The following CEP97 variants were observed in gnomAD, a reference collection of about 807,000 sequenced individuals.
CEP97 encodes the protein centrosomal protein of 97 kDa.
Under a neutral mutation model 73.1 loss-of-function variants are expected in CEP97, and 43 were observed. The observed-to-expected ratio is 0.59, with a 90% CI of 0.46 to 0.76. The LOEUF (loss-of-function observed/expected upper bound fraction) is 0.76, where lower values mean the gene tolerates loss of function less well. Among genes scored for constraint, CEP97 ranks in the 30% least tolerant of loss-of-function variants. The pLI is 0.00. For synonymous variants in CEP97, 337 were observed against 370.0 expected, an observed-to-expected ratio of 0.91 and a Z score of 1.02; for missense variants, 939 against 1,014.0, an observed-to-expected ratio of 0.93 and a Z score of 1.00.
intron 6 of CEP97, among the ~76,000 whole-genome samples, chr3:101,752,911 G>C (rs1279840648): frequency 6.6e-6 from 1 of 152,128 alleles, no homozygotes; most frequent in Admixed American, 6.6e-5. Context: ...GTCATTCTCC[G>C]TCCAGCTTTG....
intron 6 of CEP97, 33 bp from the exon 7 acceptor site, chr3:101,755,397 C>T: frequency 6.2e-7 from 1 of 1,600,056 alleles, no homozygotes; most frequent in Non-Finnish European, 8.6e-7. Context: ...TATTCTCATG[C>T]CATCTCCTCT....
Position 101,724,732 on chromosome 3 carries a change from C to T in CEP97, c.43+13C>T, listed in dbSNP as rs1354236126. The T allele has an allele frequency of 1.2e-6, 2 of 1,613,932 alleles. No homozygotes were observed. Among genetic ancestry groups the T allele is most frequent in the Non-Finnish European group, 8.5e-7 (1 of 1,179,758 alleles). The stretch of plus-strand genomic sequence containing the variant: ...CCTCCCGGAGAAGGTAAGGCGATCC[C>T]TACCCCGAGTCCTAAGGTTTACTTC... On this transcript the variant is annotated intron_variant, in intron 1 of 10. Coordinates refer to ENST00000341893, the MANE Select transcript of CEP97 (RefSeq NM_024548.4).
chr3:101,746,703 C>A (rs1305725438), intron 6 of CEP97, among the ~76,000 whole-genome samples: 2 of 152,150 alleles, frequency 1.3e-5, no homozygotes, highest in African/African-American at 4.8e-5. Context: ...TAAAGACCTT[C>A]TGCACAGCAA....
intron 6 of CEP97, among the ~76,000 whole-genome samples, chr3:101,739,009 A>G (rs1433952968): frequency 6.6e-6 from 1 of 152,246 alleles, no homozygotes; most frequent in Non-Finnish European, 1.5e-5. Context: ...CGTTGATCCC[A>G]TAGAAATACA....
At chr3:101,751,382 A>G (rs930932609) in intron 6 of CEP97, among the ~76,000 whole-genome samples, 4 of 152,072 alleles carry the variant, frequency 2.6e-5, no homozygotes, top group Non-Finnish European at 4.4e-5. Context: ...AAAAAAATGT[A>G]TATTCTTTTG....
chr3:101,726,651 G>A lies in CEP97; in HGVS notation c.101G>A (p.Cys34Tyr), dbSNP rs771340365. 2 of 1,610,172 alleles carry A rather than the reference G, an allele frequency of 1.2e-6. No individual in the cohort carries two copies. Among genetic ancestry groups the A allele is most frequent in the South Asian group, 1.1e-5 (1 of 90,838 alleles). The change falls in exon 2 of 11, where the codon TGT becomes TAT. Residue 34 changes from cysteine (C) to tyrosine (Y), a missense_variant. Cys to Tyr is a radical substitution (Grantham distance 194, BLOSUM62 -2). Transcript: ENST00000341893. ...CAGAAATTAGGTCCAAATTTACCCT[G>A]TGAAGCTGATATTCACACTTTGATT... ...GLQKLGPNLP[C>Y]EADIHTLILD...
intron 6 of CEP97, among the ~76,000 whole-genome samples, chr3:101,745,653 T>C (rs1418514239): frequency 6.6e-6 from 1 of 152,056 alleles, no homozygotes; most frequent in African/African-American, 2.4e-5. Context: ...ACCATGCGGC[T>C]TCAACAATTG....
intron 2 of CEP97, 83 bp downstream of exon 2, chr3:101,726,819 C>T: frequency 9.9e-7 from 1 of 1,009,970 alleles, no homozygotes; most frequent in Non-Finnish European, 1.4e-6. Context: ...CAAAAAGTAA[C>T]TGTGCAGCCC....
At position 101,758,299 on chromosome 3, in the gene CEP97, C is replaced by A; in HGVS notation, c.1693C>A (p.Leu565Ile). ...LQKLNDAATK[L>I]QACWRGFYAR... is the part of the protein sequence containing the mutation. ...GAAATTAAATGATGCAGCCACCAAG[C>A]TTCAGGCCTGTTGGCGGGGATTTTA... Residue 565 changes from leucine (L) to isoleucine (I), a missense_variant, in exon 9 of 11, where the codon CTT (leucine) becomes ATT (isoleucine). Coordinates refer to ENST00000341893, the MANE Select transcript of CEP97 (RefSeq NM_024548.4). 1 of 1,614,194 alleles carries A rather than the reference C, an allele frequency of 6.2e-7. No homozygotes were observed. The highest frequency in any genetic ancestry group is 8.5e-7 in the Non-Finnish European group (1 of 1,180,036).
Position 101,758,019 on chromosome 3 carries a change from C to T in CEP97, c.1413C>T (p.Ile471=). The T allele has an allele frequency of 6.2e-7, 1 of 1,614,194 alleles. No individual in the cohort carries two copies. The highest frequency in any genetic ancestry group is 8.5e-7 in the Non-Finnish European group (1 of 1,180,040). Residue 471 remains isoleucine, a synonymous_variant, in exon 9 of 11, where the codon ATC becomes ATT. Transcript: ENST00000341893. ...CTGTTCAAATGATGAGAAGTGAAAT[C>T]AATACAGAGGTAAATGAGAAAGCTG... is the stretch of plus-strand genomic sequence containing the variant. The part of the protein sequence containing the change: ...ENSVQMMRSE[I]NTEVNEKAGL...
chr3:101,750,506 C>T (rs1326537919), intron 6 of CEP97, among the ~76,000 whole-genome samples: 2 of 152,254 alleles, frequency 1.3e-5, no homozygotes, highest in South Asian at 4.1e-4. Context: ...CCTCCTTGTA[C>T]CTCTGGTAGA....
At chr3:101,746,931 C>T (rs1318445607) in intron 6 of CEP97, among the ~76,000 whole-genome samples, 4 of 148,792 alleles carry the variant, frequency 2.7e-5, no homozygotes, top group African/African-American at 5.0e-5. Context: ...TGAAAAAATG[C>T]TCACCATCAC....
intron 6 of CEP97, among the ~76,000 whole-genome samples, chr3:101,748,412 C>G (rs1938694325): frequency 2.0e-5 from 3 of 151,966 alleles, no homozygotes; most frequent in Admixed American, 6.6e-5. Context: ...TTTCTTCTAG[C>G]CTCTTAGTTT....
intron 6 of CEP97, among the ~76,000 whole-genome samples, chr3:101,737,944 C>G (rs1278750565): frequency 1.5e-5 from 2 of 135,388 alleles, no homozygotes; most frequent in Non-Finnish European, 3.1e-5. Flanking sequence ...TCAGGAGATG[C>G]ATCTCACATG....
chr3:101,764,939 A>G lies in CEP97; in HGVS notation c.1986A>G (p.Pro662=), dbSNP rs1369614227. 1 of 1,614,114 alleles carries G rather than the reference A, an allele frequency of 6.2e-7. No homozygotes were observed. The highest frequency in any genetic ancestry group is 8.5e-7 in the Non-Finnish European group (1 of 1,180,052). Residue 662 remains proline, a synonymous_variant, in exon 11 of 11, where the codon CCA becomes CCG. Transcript: ENST00000341893. ...DVPPISSTLV[P]SKHPLFTQSQ... ...CTCCTATATCAAGTACTCTTGTGCC[A>G]TCGAAACATCCATTATTTACCCAAA...
chr3:101,737,844 T>G lies in CEP97; in HGVS notation c.728+5190T>G, dbSNP rs147625755. On this transcript the variant is annotated intron_variant, in intron 6 of 10. Coordinates refer to ENST00000341893, the MANE Select transcript of CEP97 (RefSeq NM_024548.4). ...GGATCAAATTCACACATAACAATAT[T>G]AACCTTAAATGTAAATGGGCTATTA... 3.5e-4 allele frequency among the ~76,000 whole-genome samples: 53 copies of G among 151,996 alleles called. 1 individual carries two copies. Among genetic ancestry groups the G allele is most frequent in the African/African-American group, 1.2e-3 (51 of 41,466 alleles).
At chr3:101,742,560 A>G (rs918155557) in intron 6 of CEP97, among the ~76,000 whole-genome samples, 3 of 152,092 alleles carry the variant, frequency 2.0e-5, no homozygotes, top group African/African-American at 4.8e-5. Flanking sequence ...AGACACAGGG[A>G]GGGGAACATC....
intron 6 of CEP97, among the ~76,000 whole-genome samples, chr3:101,739,536 T>C (rs1938379485): frequency 6.6e-6 from 1 of 152,174 alleles, no homozygotes; most frequent in Admixed American, 6.5e-5. Flanking sequence ...TCAATAAACA[T>C]AATCCATCAC....
In CEP97 at chr3:101,758,314, C is replaced by A; in HGVS notation, c.1708C>A (p.Arg570=). 1 of 1,614,154 alleles carries A rather than the reference C, an allele frequency of 6.2e-7. No individual in the cohort carries two copies. Among genetic ancestry groups the A allele is most frequent in the Admixed American group, 1.7e-5 (1 of 60,022 alleles). ...AGCCACCAAGCTTCAGGCCTGTTGG[C>A]GGGGATTTTATGCCAGGAACTACAA... The part of the protein sequence containing the change: ...DAATKLQACW[R]GFYARNYNPQ... The change falls in exon 9 of 11, where the codon CGG becomes AGG. Residue 570 remains arginine, a synonymous_variant. Coordinates refer to ENST00000341893, the MANE Select transcript of CEP97 (RefSeq NM_024548.4).
Sources: gnomAD v4.1 joint callset for allele counts (sites outside exome capture counted in the v4.1 genomes callset) on GRCh38, gnomAD v4.1.1 for gene constraint, MANE v1.5 for transcripts, NCBI Gene and HGNC (gene_info 2026-07-23, HGNC 2026-07-21) for gene names.